TANGO2: variants seen among roughly 807,000 people sequenced by gnomAD.
The protein encoded by TANGO2 is transport and Golgi organization protein 2 homolog.
Under a neutral mutation model 39.1 loss-of-function variants are expected in TANGO2, and 26 were observed. The observed-to-expected ratio is 0.67, with a 90% CI of 0.49 to 0.92. TANGO2 has a LOEUF of 0.92. Ranked by LOEUF, TANGO2 falls within the 40% of genes least tolerant of loss-of-function variation. TANGO2 has a pLI of 0.00. For synonymous variants in TANGO2, 131 were observed against 144.5 expected, an observed-to-expected ratio of 0.91 and a Z score of 0.67; for missense variants, 326 against 360.1, an observed-to-expected ratio of 0.91 and a Z score of 0.77.
intron 1 of TANGO2, chr22:20,033,240 G>A (rs770276919): frequency 3.8e-6 from 2 of 528,188 alleles, no homozygotes; most frequent in Admixed American, 2.0e-5. Flanking sequence ...TCTTCGTCGA[G>A]GCCACAGCCC....
chr22:20,022,818 C>T (rs895735227), intron 1 of TANGO2, among the ~76,000 whole-genome samples: 9 of 152,188 alleles, frequency 5.9e-5, no homozygotes, highest in South Asian at 2.1e-4. Context: ...AGAAATGGCC[C>T]GGGATAGGGA....
At position 20,063,388 on chromosome 22, in the gene TANGO2, C is replaced by T; in HGVS notation, c.656C>T (p.Pro219Leu). ...IEDQGGEYVQ[P>L]MLSKYAAVCV... ...GACCAGGGTGGGGAGTACGTGCAGC[C>T]CATGCTGAGCAAGTACGCGGCTGTG... Residue 219 changes from proline to leucine, a missense_variant, in exon 8 of 9, where the codon CCC (proline) becomes CTC (leucine). Coordinates refer to ENST00000327374, the MANE Select transcript of TANGO2 (RefSeq NM_152906.7). 3 of 1,613,552 alleles carry T rather than the reference C, an allele frequency of 1.9e-6. No individual in the cohort carries two copies. Among genetic ancestry groups the T allele is most frequent in the Non-Finnish European group, 2.5e-6 (3 of 1,179,910 alleles).
chr22:20,048,058 G>A (rs1569296682), intron 3 of TANGO2: 1 of 152,026 alleles, frequency 6.6e-6, no homozygotes, highest in Non-Finnish European at 1.5e-5. Flanking sequence ...CTGAGTAGCT[G>A]GAATTACAGC....
intron 1 of TANGO2, among the ~76,000 whole-genome samples, chr22:20,029,172 T>C (rs548690102): frequency 7.2e-5 from 11 of 152,294 alleles, no homozygotes; most frequent in African/African-American, 2.2e-4. Flanking sequence ...GAGAGGGAGT[T>C]TAGCCCGTTT....
chr22:20,028,336 A>G (rs552974607), intron 1 of TANGO2, among the ~76,000 whole-genome samples: 2 of 152,246 alleles, frequency 1.3e-5, no homozygotes, highest in Middle Eastern at 3.4e-3. Context: ...GCTGGACTTA[A>G]ACTCCTGGCC....
intron 1 of TANGO2, among the ~76,000 whole-genome samples, chr22:20,025,293 A>G (rs1054932796): frequency 2.6e-5 from 4 of 151,588 alleles, no homozygotes; most frequent in Non-Finnish European, 5.9e-5. Flanking sequence ...GGGTTTCACC[A>G]TTTTAGCCAG....
chr22:20,064,425 C>A, intron 8 of TANGO2, 117 bp from the exon 9 acceptor site: 1 of 1,317,210 alleles, frequency 7.6e-7, no homozygotes, highest in Non-Finnish European at 1.1e-6. Context: ...CTTGGCACAG[C>A]CTCCAGGCAT....
At chr22:20,021,026 C>T (rs1404215379), upstream of TANGO2, 1 of 151,798 alleles carries the variant, frequency 6.6e-6, no homozygotes, top group Non-Finnish European at 1.5e-5. Flanking sequence ...CCCCGCCCCT[C>T]GCTGCGCGGC....
At chr22:20,051,090 A>G (rs1451627929) in intron 3 of TANGO2, among the ~76,000 whole-genome samples, 2 of 147,526 alleles carry the variant, frequency 1.4e-5, no homozygotes, top group Non-Finnish European at 1.5e-5. Flanking sequence ...TGAACTCCCA[A>G]CCTCAGGTGA....
chr22:20,035,925 C>G (rs1318032095), intron 1 of TANGO2, among the ~76,000 whole-genome samples: 2 of 152,168 alleles, frequency 1.3e-5, no homozygotes, highest in Non-Finnish European at 2.9e-5. Context: ...CTAGGCCACC[C>G]TGCTTGGATA....
chr22:20,021,733 A>C (rs2039723494), intron 1 of TANGO2, among the ~76,000 whole-genome samples: 1 of 152,182 alleles, frequency 6.6e-6, no homozygotes, highest in South Asian at 2.1e-4. Flanking sequence ...GGCTGCACTC[A>C]GGGCAGTCCT....
chr22:20,032,988 A>G (rs912259694), intron 1 of TANGO2, among the ~76,000 whole-genome samples: 2 of 152,020 alleles, frequency 1.3e-5, no homozygotes, highest in Admixed American at 6.6e-5. Context: ...TGTAGGACCT[A>G]GGGAACCTGC....
chr22:20,028,359 C>T (rs961837431), intron 1 of TANGO2, among the ~76,000 whole-genome samples: 5 of 152,240 alleles, frequency 3.3e-5, no homozygotes, highest in Admixed American at 6.5e-5. Context: ...AAACAATCCT[C>T]CTGCTTTAGC....
intron 1 of TANGO2, among the ~76,000 whole-genome samples, chr22:20,022,757 C>G (rs1047834399): frequency 1.3e-5 from 2 of 152,270 alleles, no homozygotes; most frequent in African/African-American, 4.8e-5. Flanking sequence ...CTTCTGAAAA[C>G]ACCCACAGGG....
At chr22:20,040,878 C>T (rs991253206) in intron 2 of TANGO2, among the ~76,000 whole-genome samples, 2 of 152,118 alleles carry the variant, frequency 1.3e-5, no homozygotes. Flanking sequence ...GAGACCACCT[C>T]CCCCTACCCC....
intron 2 of TANGO2, among the ~76,000 whole-genome samples, chr22:20,037,627 G>C (rs572260303): frequency 1.3e-5 from 2 of 152,098 alleles, no homozygotes; most frequent in African/African-American, 4.8e-5. Flanking sequence ...TTCAGGCCAA[G>C]GAATCAGGAA....
intron 2 of TANGO2, among the ~76,000 whole-genome samples, chr22:20,038,935 T>A (rs200805684): frequency 0.021 from 3,200 of 150,440 alleles, 119 homozygotes; most frequent in African/African-American, 0.067. Flanking sequence ...GTTTTTTTTT[T>A]TTATTATTAT....
In TANGO2 at chr22:20,036,764, C is replaced by T. The variant is rs751387594; in HGVS notation, c.-35C>T. The T allele has an allele frequency of 1.5e-5, 24 of 1,613,866 alleles. No homozygotes were observed. The highest frequency in any genetic ancestry group is 4.0e-5 in the African/African-American group (3 of 74,922). Reference sequence around the variant, plus strand: ...AGTGTTTTCCTTTTCCCGCAGACCTCGCGACCTGTGTCAGCAGAGCCGCCC... The same window carrying T: ...AGTGTTTTCCTTTTCCCGCAGACCTTGCGACCTGTGTCAGCAGAGCCGCCC... On this transcript the variant is annotated 5_prime_UTR_variant, in exon 2 of 9. Coordinates refer to ENST00000327374, the MANE Select transcript of TANGO2 (RefSeq NM_152906.7).
At chr22:20,033,515 G>A (rs1208913059) in intron 1 of TANGO2, among the ~76,000 whole-genome samples, 3 of 152,224 alleles carry the variant, frequency 2.0e-5, no homozygotes, top group African/African-American at 7.2e-5. Flanking sequence ...GGCTGAGGTC[G>A]GCTGAAGTTG....
Sources: gnomAD v4.1 joint callset for allele counts (sites outside exome capture counted in the v4.1 genomes callset) on GRCh38, gnomAD v4.1.1 for gene constraint, MANE v1.5 for transcripts, NCBI Gene and HGNC (gene_info 2026-07-23, HGNC 2026-07-21) for gene names.